The following CORIN variants were observed in gnomAD, a reference collection of about 807,000 sequenced individuals.
CORIN encodes the protein corin, serine peptidase, also known as atrial natriuretic peptide-converting enzyme.
Under a neutral mutation model 125.3 loss-of-function variants are expected in CORIN, and 117 were observed. The observed-to-expected ratio is 0.93, with a 90% CI of 0.80 to 1.09. The LOEUF is 1.09. Among genes scored for constraint, CORIN ranks in the 50% least tolerant of loss-of-function variants. The pLI, the probability that CORIN is intolerant of heterozygous loss-of-function variation, is 0.00. For missense variants in CORIN, 1,253 were observed against 1,306.7 expected (o/e 0.96, Z 0.63); for synonymous variants, 450 against 466.4 (o/e 0.96, Z 0.45).
intron 4 of CORIN, among the ~76,000 whole-genome samples, chr4:47,749,495 C>T (rs1473473484): frequency 1.3e-5 from 2 of 152,162 alleles, no homozygotes; most frequent in African/African-American, 4.8e-5. Context: ...GAAGTTGATC[C>T]TTCCCAGGTC....
At chr4:47,789,715 T>C (rs921189173) in intron 2 of CORIN, among the ~76,000 whole-genome samples, 5 of 152,022 alleles carry the variant, frequency 3.3e-5, no homozygotes, top group Non-Finnish European at 5.9e-5. Flanking sequence ...ACCTGTATCA[T>C]GATGAGCTAT....
At chr4:47,752,260 G>A (rs1728936939) in intron 4 of CORIN, among the ~76,000 whole-genome samples, 1 of 152,192 alleles carries the variant, frequency 6.6e-6, no homozygotes, top group East Asian at 1.9e-4. Flanking sequence ...TTTATTATCT[G>A]TCTATTTATT....
At chr4:47,762,047 T>A (rs1352541673) in intron 4 of CORIN, among the ~76,000 whole-genome samples, 1 of 152,076 alleles carries the variant, frequency 6.6e-6, no homozygotes, top group Non-Finnish European at 1.5e-5. Context: ...TACACATGTA[T>A]ACACACATAT....
chr4:47,746,308 C>T (rs1577885438), intron 4 of CORIN, among the ~76,000 whole-genome samples: 1 of 152,288 alleles, frequency 6.6e-6, no homozygotes, highest in East Asian at 1.9e-4. Flanking sequence ...ACATGCATCA[C>T]CTCACTGATT....
intron 4 of CORIN, among the ~76,000 whole-genome samples, chr4:47,750,663 T>C (rs1245498694): frequency 1.3e-5 from 2 of 152,142 alleles, no homozygotes; most frequent in Non-Finnish European, 2.9e-5. Context: ...CGTGGCCTCT[T>C]ACAGTGAGTG....
rs530476049 is a variant in CORIN, at chr4:47,821,188, T to A, written c.64-14141A>T. Among the ~76,000 whole-genome samples the A allele has an allele frequency of 7.2e-5, 11 of 151,742 alleles. No homozygotes were observed. The South Asian group carries it at 8.3e-4, about 11-fold the overall frequency. On this transcript the variant is annotated intron_variant, in intron 1 of 21. Coordinates refer to ENST00000273857, the MANE Select transcript of CORIN (RefSeq NM_006587.4). ...AGGCAGAGGTTTCAGTGAGCCAAGA[T>A]CATGCCACTGCACTCCAGCCTAGAC...
chr4:47,831,148 A>G (rs1021162211), intron 1 of CORIN, among the ~76,000 whole-genome samples: 1 of 152,236 alleles, frequency 6.6e-6, no homozygotes. Flanking sequence ...CACCTACAGG[A>G]CAACCTTGGA....
intron 5 of CORIN, among the ~76,000 whole-genome samples, chr4:47,736,854 A>C (rs984181708): frequency 3.9e-5 from 6 of 152,228 alleles, no homozygotes; most frequent in African/African-American, 1.4e-4. Context: ...AAAGGCGAAG[A>C]GACAAAAATT....
chr4:47,641,704 C>T (rs1723235938), intron 16 of CORIN, among the ~76,000 whole-genome samples: 1 of 152,144 alleles, frequency 6.6e-6, no homozygotes. Flanking sequence ...ACTTCATTTA[C>T]TTTTAGAGGC....
intron 19 of CORIN, among the ~76,000 whole-genome samples, chr4:47,618,920 A>C (rs1722192549): frequency 6.6e-6 from 1 of 152,128 alleles, no homozygotes; most frequent in Non-Finnish European, 1.5e-5. Context: ...ATCTTGTTGG[A>C]TTGAAGAGCT....
intron 16 of CORIN, among the ~76,000 whole-genome samples, chr4:47,634,213 G>T (rs1439873355): frequency 6.6e-6 from 1 of 152,142 alleles, no homozygotes; most frequent in Non-Finnish European, 1.5e-5. Context: ...AGGGCAAAGG[G>T]GATGGCAGCT....
chr4:47,614,274 C>A (rs1293994999), intron 19 of CORIN, among the ~76,000 whole-genome samples: 1 of 152,156 alleles, frequency 6.6e-6, no homozygotes, highest in Non-Finnish European at 1.5e-5. Context: ...CTCACTGCAA[C>A]CACCTCCACA....
At chr4:47,708,559 T>G (rs1357818345) in intron 5 of CORIN, among the ~76,000 whole-genome samples, 3 of 152,154 alleles carry the variant, frequency 2.0e-5, no homozygotes, top group African/African-American at 7.2e-5. Flanking sequence ...CATGGACATC[T>G]TTGGGGGGGT....
intron 12 of CORIN, among the ~76,000 whole-genome samples, chr4:47,656,851 T>C: frequency 6.6e-6 from 1 of 152,346 alleles, no homozygotes; most frequent in Non-Finnish European, 1.5e-5. Flanking sequence ...TTATTCTTGA[T>C]TGCAAATGAT....
At chr4:47,816,912 G>A (rs983638690) in intron 1 of CORIN, among the ~76,000 whole-genome samples, 1 of 152,014 alleles carries the variant, frequency 6.6e-6, no homozygotes, top group Admixed American at 6.6e-5. Flanking sequence ...ATTTCCAAAT[G>A]TTCTTTAGAG....
At chr4:47,624,079 G>C in intron 17 of CORIN, 131 bp from the exon 18 acceptor site, 1 of 751,332 alleles carries the variant, frequency 1.3e-6, no homozygotes, top group Non-Finnish European at 2.2e-6. Flanking sequence ...AGCATTTCCT[G>C]TGTTACCACA....
chr4:47,656,321 A>G (rs569345009), intron 12 of CORIN, among the ~76,000 whole-genome samples: 3 of 152,052 alleles, frequency 2.0e-5, no homozygotes, highest in East Asian at 1.9e-4. Flanking sequence ...ATGCCCAGCT[A>G]ATTTTTATAT....
intron 13 of CORIN, among the ~76,000 whole-genome samples, chr4:47,648,891 G>A (rs1388478035): frequency 1.3e-5 from 2 of 152,196 alleles, no homozygotes; most frequent in African/African-American, 4.8e-5. Flanking sequence ...GTAGCAGCCA[G>A]AGTACAGGCC....
intron 21 of CORIN, among the ~76,000 whole-genome samples, chr4:47,599,240 TG>T (rs1186109482): frequency 6.6e-6 from 1 of 151,908 alleles, no homozygotes; most frequent in Non-Finnish European, 1.5e-5. Context: ...GAAAGGAGGG[TG>T]GTCTCAGCGA....
Sources: gnomAD v4.1 joint callset for allele counts (sites outside exome capture counted in the v4.1 genomes callset) on GRCh38, gnomAD v4.1.1 for gene constraint, MANE v1.5 for transcripts, NCBI Gene and HGNC (gene_info 2026-07-23, HGNC 2026-07-21) for gene names.